ANTXR1: variants seen among roughly 807,000 people sequenced by gnomAD.
The protein encoded by ANTXR1 is ANTXR cell adhesion molecule 1.
In ANTXR1, 19 loss-of-function variants were observed where a neutral mutation model predicts 78.1. The observed-to-expected ratio is 0.24, with a 90% CI of 0.17 to 0.36. The LOEUF (loss-of-function observed/expected upper bound fraction) is 0.36. ANTXR1 is among the 10% of genes least tolerant of loss of function. The pLI is 1.00. For missense variants in ANTXR1, 518 were observed against 718.6 expected (o/e 0.72, Z 3.19); for synonymous variants, 273 against 260.5 (o/e 1.05, Z -0.46).
rs530828685 is a variant in ANTXR1, at chr2:69,220,577, T to C, written c.1435-24648T>C. ...ACATAAAAGGCCTCTTTATACTCTATGATTATGAATTATGATAATCTTTCT... is the reference window on the plus strand; with the variant it reads ...ACATAAAAGGCCTCTTTATACTCTACGATTATGAATTATGATAATCTTTCT... On this transcript the variant is annotated intron_variant, in intron 17 of 17. Coordinates refer to ENST00000303714, the MANE Select transcript of ANTXR1 (RefSeq NM_032208.3). Among the ~76,000 whole-genome samples, 21 of 152,374 alleles carry C rather than the reference T, an allele frequency of 1.4e-4. 1 individual carries two copies. Among genetic ancestry groups the C allele is most frequent in the African/African-American group, 4.8e-4 (20 of 41,590 alleles).
At chr2:69,015,022 C>T (rs894517981) in intron 1 of ANTXR1, among the ~76,000 whole-genome samples, 2 of 151,436 alleles carry the variant, frequency 1.3e-5, no homozygotes, top group Non-Finnish European at 2.9e-5. Context: ...AGGTGCTCCT[C>T]CTCCGTGCTT....
chr2:69,158,011 T>A (rs1008029636), intron 13 of ANTXR1, among the ~76,000 whole-genome samples: 1 of 152,172 alleles, frequency 6.6e-6, no homozygotes, highest in Non-Finnish European at 1.5e-5. Context: ...TCCCCTCCTG[T>A]GCAGGGTCTC....
intron 13 of ANTXR1, among the ~76,000 whole-genome samples, chr2:69,169,641 TGTTA>T (rs1397154682): frequency 6.6e-6 from 1 of 152,252 alleles, no homozygotes; most frequent in African/African-American, 2.4e-5. Flanking sequence ...CTTATAACAC[TGTTA>T]GTTAAAGCTT....
intron 8 of ANTXR1, among the ~76,000 whole-genome samples, chr2:69,082,161 G>A (rs868436635): frequency 3.3e-5 from 5 of 152,190 alleles, no homozygotes; most frequent in Admixed American, 6.5e-5. Flanking sequence ...TGAATACACC[G>A]TGGATGGGCA....
intron 3 of ANTXR1, among the ~76,000 whole-genome samples, chr2:69,067,126 C>A (rs915946737): frequency 6.6e-6 from 1 of 152,174 alleles, no homozygotes; most frequent in African/African-American, 2.4e-5. Flanking sequence ...TGTTGTGGGT[C>A]CTTCAAGAAG....
chr2:69,153,901 C>T (rs536636621), intron 13 of ANTXR1, among the ~76,000 whole-genome samples: 77 of 152,318 alleles, frequency 5.1e-4, no homozygotes, highest in African/African-American at 1.8e-3. Context: ...ACCTCTCTCT[C>T]AGTTTCCTCA....
At chr2:69,143,815 G>A (rs570201223) in intron 12 of ANTXR1, among the ~76,000 whole-genome samples, 1 of 152,086 alleles carries the variant, frequency 6.6e-6, no homozygotes, top group Non-Finnish European at 1.5e-5. Context: ...ACAAGAAGAA[G>A]CCCATGAGGA....
At chr2:69,170,398 G>T in intron 14 of ANTXR1, 109 bp downstream of exon 14, 1 of 1,318,350 alleles carries the variant, frequency 7.6e-7, no homozygotes, top group Non-Finnish European at 1.1e-6. Context: ...GCTAAGTCAA[G>T]CTCAAAGGAT....
chr2:69,024,383 T>C (rs553157682), intron 1 of ANTXR1, among the ~76,000 whole-genome samples: 13 of 152,264 alleles, frequency 8.5e-5, no homozygotes, highest in African/African-American at 3.1e-4. Flanking sequence ...AATATCAGGA[T>C]TTTTAAATGC....
intron 9 of ANTXR1, among the ~76,000 whole-genome samples, chr2:69,100,907 G>A (rs1298630234): frequency 6.6e-6 from 1 of 152,186 alleles, no homozygotes; most frequent in African/African-American, 2.4e-5. Context: ...TAGCAATTGT[G>A]CATTTGCATC....
chr2:69,073,006 G>A lies in ANTXR1; in HGVS notation c.413-16G>A. 1 of 1,613,416 alleles carries A rather than the reference G, an allele frequency of 6.2e-7. No homozygotes were observed. The highest frequency in any genetic ancestry group is 8.5e-7 in the Non-Finnish European group (1 of 1,179,330). On this transcript the variant is annotated splice_polypyrimidine_tract_variant and intron_variant, in intron 5 of 17. Coordinates refer to ENST00000303714, the MANE Select transcript of ANTXR1 (RefSeq NM_032208.3). ...GGAGCAGGGTGGACTGAGCCAGTCT[G>A]TATTGTGTTAAACAGGGTACAGGAC... is the stretch of plus-strand genomic sequence containing the variant.
At chr2:69,227,823 AT>A (rs991394059) in intron 17 of ANTXR1, among the ~76,000 whole-genome samples, 3 of 152,196 alleles carry the variant, frequency 2.0e-5, no homozygotes, top group Non-Finnish European at 2.9e-5. Context: ...CAGAGCATAG[AT>A]TACATGGCCA....
At chr2:69,122,965 G>T in intron 10 of ANTXR1, 52 bp from the exon 11 acceptor site, 1 of 1,580,072 alleles carries the variant, frequency 6.3e-7, no homozygotes, top group South Asian at 1.1e-5. Flanking sequence ...CATTGAATTT[G>T]AAATTATAAA....
chr2:69,178,684 G>A (rs183751919), intron 14 of ANTXR1, among the ~76,000 whole-genome samples: 1 of 152,222 alleles, frequency 6.6e-6, no homozygotes, highest in Non-Finnish European at 1.5e-5. Flanking sequence ...AGCACTCAGC[G>A]GGGTTGCGAA....
chr2:69,088,848 T>G (rs1671137872), intron 8 of ANTXR1, among the ~76,000 whole-genome samples: 1 of 152,018 alleles, frequency 6.6e-6, no homozygotes, highest in Admixed American at 6.5e-5. Context: ...AGACTGACAA[T>G]GAGTGGAAAA....
At position 69,055,563 on chromosome 2, in the gene ANTXR1, G is replaced by T. The variant is rs1411918346; in HGVS notation, c.296+10750G>T. Among the ~76,000 whole-genome samples, 5 of 152,124 alleles carry T rather than the reference G, an allele frequency of 3.3e-5. No individual in the cohort carries two copies. The East Asian group carries it at 9.7e-4, about 29-fold the overall frequency. ...CTCTGGAGTACCCTTGTTAGTAGAAGAAAGTAAAATTGTACCCCCTGAGGC... is the reference window on the plus strand; with the variant it reads ...CTCTGGAGTACCCTTGTTAGTAGAATAAAGTAAAATTGTACCCCCTGAGGC... On this transcript the variant is annotated intron_variant, in intron 3 of 17. Transcript: ENST00000303714.
intron 17 of ANTXR1, among the ~76,000 whole-genome samples, chr2:69,204,846 T>A (rs10171074): frequency 6.6e-6 from 1 of 151,968 alleles, no homozygotes; most frequent in Admixed American, 6.5e-5. Context: ...TCCTCCCACA[T>A]GGGGCTGCTC....
At chr2:69,091,637 T>A (rs1671241460) in intron 9 of ANTXR1, among the ~76,000 whole-genome samples, 1 of 152,092 alleles carries the variant, frequency 6.6e-6, no homozygotes, top group African/African-American at 2.4e-5. Flanking sequence ...TCATAGGCCA[T>A]ACTGGAAATA....
At chr2:69,068,800 G>A (rs1670481605) in intron 3 of ANTXR1, among the ~76,000 whole-genome samples, 1 of 152,216 alleles carries the variant, frequency 6.6e-6, no homozygotes, top group Admixed American at 6.5e-5. Flanking sequence ...AAGATAGCAG[G>A]TGACTACCCC....
Sources: allele counts gnomAD v4.1 joint callset (sites outside exome capture counted in the v4.1 genomes callset), GRCh38; gene constraint gnomAD v4.1.1; transcripts MANE v1.5; gene names NCBI Gene and HGNC (gene_info 2026-07-23, HGNC 2026-07-21).